Variants in KCNQ1OT1 observed in about 807,000 individuals in gnomAD.
The protein encoded by KCNQ1OT1 is KCNQ1 opposite strand/antisense transcript 1, also known as KCNQ1 antisense RNA 2 (non-protein coding).
chr11:2,671,890 A>C lies in KCNQ1OT1; in HGVS notation n.28105T>G, dbSNP rs1207090338. 2.5e-6 allele frequency: 1 copy of C among 398,586 alleles called. No individual in the cohort carries two copies. The highest frequency in any genetic ancestry group is 2.1e-5 in the African/African-American group (1 of 48,634). 24.7% of individuals were successfully genotyped at this position (398,586 alleles called of 1,614,324 possible). A position where few individuals can be genotyped will look rare whatever the true frequency, so the allele number is the denominator to read the frequency against. On this transcript the variant is annotated non_coding_transcript_exon_variant, in exon 1 of 1. Coordinates refer to ENST00000597346, the Ensembl canonical transcript of KCNQ1OT1. This position sits in a 1 kb window ranked among gnomAD's most constrained non-coding sequence, Gnocchi z 4.7. ...CCCTGGAGAGGAGGTGGGCAGCACC[A>C]GGCAGCCAGCCTGTGGGCCCCGCTA... is the stretch of plus-strand genomic sequence containing the variant.
In KCNQ1OT1 at chr11:2,673,618, C is replaced by T; in HGVS notation, n.26377G>A. The T allele has an allele frequency of 2.5e-6, 1 of 398,780 alleles. No homozygotes were observed. The highest frequency in any genetic ancestry group is 3.6e-5 in the East Asian group (1 of 28,082). 24.7% of individuals were successfully genotyped at this position (398,780 alleles called of 1,614,324 possible). A position where few individuals can be genotyped will look rare whatever the true frequency, so the allele number is the denominator to read the frequency against. ...AGAAGCTAAACGTGACCAGCCTACCCACCTTGCTACTGCTGATGACCACCC... is the reference window on the plus strand; with the variant it reads ...AGAAGCTAAACGTGACCAGCCTACCTACCTTGCTACTGCTGATGACCACCC... On this transcript the variant is annotated non_coding_transcript_exon_variant, in exon 1 of 1. Transcript: ENST00000597346. This position sits in a 1 kb window ranked among gnomAD's most constrained non-coding sequence, Gnocchi z 4.5.
Position 2,674,614 on chromosome 11 carries a change from C to G in KCNQ1OT1, n.25381G>C, listed in dbSNP as rs929995876. Reference sequence around the variant, plus strand: ...CTTTTAAATAGGCTCTGGCTTAAAACAGTCACAGCGAAACATGCCTTTGAA... The same window carrying G: ...CTTTTAAATAGGCTCTGGCTTAAAAGAGTCACAGCGAAACATGCCTTTGAA... On this transcript the variant is annotated non_coding_transcript_exon_variant, in exon 1 of 1. Coordinates refer to ENST00000597346, the Ensembl canonical transcript of KCNQ1OT1. This position sits in a 1 kb window ranked among gnomAD's most constrained non-coding sequence, Gnocchi z 5.9. 2 of 398,500 alleles carry G rather than the reference C, an allele frequency of 5.0e-6. No homozygotes were observed. The highest frequency in any genetic ancestry group is 8.8e-6 in the Non-Finnish European group (2 of 226,078). The allele number at this position is 398,500 out of a possible 1,614,324, so 24.7% of individuals were successfully genotyped here.
rs529705264 is a variant in KCNQ1OT1 at position 2,611,280 on chromosome 11, C to T, written n.88715G>A. 2.0e-5 allele frequency: 8 copies of T among 397,170 alleles called. No individual in the cohort carries two copies. Among genetic ancestry groups the T allele is most frequent in the East Asian group, 3.6e-5 (1 of 28,060 alleles). 24.6% of individuals were successfully genotyped at this position (397,170 alleles called of 1,614,324 possible). On this transcript the variant is annotated non_coding_transcript_exon_variant, in exon 1 of 1. Coordinates refer to ENST00000597346, the Ensembl canonical transcript of KCNQ1OT1. The surrounding 1 kb of genome is among the most constrained non-coding windows in gnomAD (Gnocchi z 5.3). The stretch of plus-strand genomic sequence containing the variant: ...TGTTGCCCAGGCTGGAGTGCAGTGG[C>T]GTGACCTTGGCTCACTGCAACCTCT...
rs1394618769 is a variant in KCNQ1OT1, at chr11:2,652,725, C to T, written n.47270G>A. The T allele has an allele frequency of 1.8e-5, 7 of 398,794 alleles. No homozygotes were observed. The highest frequency in any genetic ancestry group is 2.1e-5 in the African/African-American group (1 of 48,636). 24.7% of individuals were successfully genotyped at this position (398,794 alleles called of 1,614,324 possible). A position where few individuals can be genotyped will look rare whatever the true frequency, so the allele number is the denominator to read the frequency against. ...TCTTTCCGTTTCCTGGGCTCACTCA[C>T]GCTCAGGGTTGACCCTGTCCTGGCT... On this transcript the variant is annotated non_coding_transcript_exon_variant, in exon 1 of 1. Coordinates refer to ENST00000597346, the Ensembl canonical transcript of KCNQ1OT1. This position sits in a 1 kb window ranked among gnomAD's most constrained non-coding sequence, Gnocchi z 5.9.
chr11:2,641,412 C>T (rs1212298963), exon 1 of KCNQ1OT1: 1 of 397,946 alleles, frequency 2.5e-6, no homozygotes, highest in Non-Finnish European at 4.4e-6. Context: ...TTTAAATATA[C>T]CTGTTGGCTA....
rs1026629360 is a variant in KCNQ1OT1, at chr11:2,654,465, C to T, written n.45530G>A. On this transcript the variant is annotated non_coding_transcript_exon_variant, in exon 1 of 1. Coordinates refer to ENST00000597346, the Ensembl canonical transcript of KCNQ1OT1. This position sits in a 1 kb window ranked among gnomAD's most constrained non-coding sequence, Gnocchi z 6.4. ...GTTCCCGTGCTGAGCGCCAGGCACA[C>T]ATAAGCCCTGCAGCCGTACAGGGGA... is the stretch of plus-strand genomic sequence containing the variant. 1 of 398,694 alleles carries T rather than the reference C, an allele frequency of 2.5e-6. No individual in the cohort carries two copies. The highest frequency in any genetic ancestry group is 4.4e-6 in the Non-Finnish European group (1 of 226,190). The allele number at this position is 398,694 out of a possible 1,614,324, so 24.7% of individuals were successfully genotyped here.
exon 1 of KCNQ1OT1, chr11:2,699,986 G>T (rs563140602): frequency 1.0e-5 from 4 of 398,290 alleles, no homozygotes; most frequent in Non-Finnish European, 1.8e-5. Flanking sequence ...GCGACGCGGC[G>T]ACCGTTCTGC....
rs1849808420 is a variant in KCNQ1OT1 at position 2,654,561 on chromosome 11, A to G, written n.45434T>C. 1.0e-5 allele frequency: 4 copies of G among 398,466 alleles called. No individual in the cohort carries two copies. The East Asian group carries it at 1.1e-4, about 11-fold the overall frequency. The allele number at this position is 398,466 out of a possible 1,614,324, so 24.7% of individuals were successfully genotyped here. On this transcript the variant is annotated non_coding_transcript_exon_variant, in exon 1 of 1. Transcript: ENST00000597346. The surrounding 1 kb of genome is among the most constrained non-coding windows in gnomAD (Gnocchi z 6.4). ...GGTTACACCTGGGAGATTAGGCCGGATTTTAATCAATCAGGAGGGGAAGGG... is the reference window on the plus strand; with the variant it reads ...GGTTACACCTGGGAGATTAGGCCGGGTTTTAATCAATCAGGAGGGGAAGGG...
Position 2,668,244 on chromosome 11 carries a change from T to C in KCNQ1OT1, n.31751A>G. The C allele has an allele frequency of 2.5e-6, 1 of 398,674 alleles. No homozygotes were observed. The highest frequency in any genetic ancestry group is 4.4e-6 in the Non-Finnish European group (1 of 226,090). 24.7% of individuals were successfully genotyped at this position (398,674 alleles called of 1,614,324 possible). The stretch of plus-strand genomic sequence containing the variant: ...CCACCTGTGGCCAGCAGGCAGTTTC[T>C]GGTGTAGGTTGCTGTTTAAGAATAT... On this transcript the variant is annotated non_coding_transcript_exon_variant, in exon 1 of 1. Coordinates refer to ENST00000597346, the Ensembl canonical transcript of KCNQ1OT1. The surrounding 1 kb of genome is among the most constrained non-coding windows in gnomAD (Gnocchi z 4.3).
At chr11:2,618,209 C>A in exon 1 of KCNQ1OT1, 1 of 398,428 alleles carries the variant, frequency 2.5e-6, no homozygotes, top group Admixed American at 4.4e-5. Flanking sequence ...TGGTGTAAGG[C>A]AGCGATATCA....
exon 1 of KCNQ1OT1, chr11:2,646,756 T>G (rs539604287): frequency 1.6e-4 from 65 of 398,578 alleles, no homozygotes; most frequent in African/African-American, 1.3e-3. Flanking sequence ...GCTCAAGCAA[T>G]CCACCCGCCT....
chr11:2,618,152 G>T, exon 1 of KCNQ1OT1: 1 of 398,286 alleles, frequency 2.5e-6, no homozygotes, highest in South Asian at 1.3e-4. Flanking sequence ...TGTGGGTTTT[G>T]GTCTTATGTT....
At chr11:2,618,266 G>A (rs1250433692) in exon 1 of KCNQ1OT1, 7 of 398,240 alleles carry the variant, frequency 1.8e-5, no homozygotes, top group Non-Finnish European at 3.1e-5. Flanking sequence ...ATTGTCTTAG[G>A]CCACACATAA....
rs1471628241 is a variant in KCNQ1OT1 at position 2,678,192 on chromosome 11, T to A, written n.21803A>T. On this transcript the variant is annotated non_coding_transcript_exon_variant, in exon 1 of 1. Coordinates refer to ENST00000597346, the Ensembl canonical transcript of KCNQ1OT1. This position sits in a 1 kb window ranked among gnomAD's most constrained non-coding sequence, Gnocchi z 4.9. ...TATTTTTCTGGTGGCAGAATTTTTTTAATTTCACATAGTCAGCTGTGTCAG... is the reference window on the plus strand; with the variant it reads ...TATTTTTCTGGTGGCAGAATTTTTTAAATTTCACATAGTCAGCTGTGTCAG... The A allele has an allele frequency of 3.0e-5, 12 of 398,292 alleles. No homozygotes were observed. In the East Asian group the frequency reaches 3.6e-4, roughly 12 times the overall value. The allele number at this position is 398,292 out of a possible 1,614,324, so 24.7% of individuals were successfully genotyped here.
At position 2,621,384 on chromosome 11, in the gene KCNQ1OT1, A is replaced by T. The variant is rs538476426; in HGVS notation, n.78611T>A. On this transcript the variant is annotated non_coding_transcript_exon_variant, in exon 1 of 1. Coordinates refer to ENST00000597346, the Ensembl canonical transcript of KCNQ1OT1. The surrounding 1 kb of genome is among the most constrained non-coding windows in gnomAD (Gnocchi z 5.7). The stretch of plus-strand genomic sequence containing the variant: ...TATGTTCCTGTCCTTTGCCAATTCA[A>T]TTGGATTATTCGTTTTTTGCTTGTT... 1 of 398,378 alleles carries T rather than the reference A, an allele frequency of 2.5e-6. No individual in the cohort carries two copies. Among genetic ancestry groups the T allele is most frequent in the African/African-American group, 2.1e-5 (1 of 48,578 alleles). 24.7% of individuals were successfully genotyped at this position (398,378 alleles called of 1,614,324 possible).
In KCNQ1OT1 at chr11:2,642,240, C is replaced by G; in HGVS notation, n.57755G>C. ...GTCATTTTAATTTTGTTAATTCTCC[C>G]AATCCATGAGAATGGGATGTTTTTT... On this transcript the variant is annotated non_coding_transcript_exon_variant, in exon 1 of 1. Transcript: ENST00000597346. This position sits in a 1 kb window ranked among gnomAD's most constrained non-coding sequence, Gnocchi z 4.3. The G allele has an allele frequency of 1.0e-5, 4 of 398,358 alleles. No individual in the cohort carries two copies. The highest frequency in any genetic ancestry group is 1.8e-5 in the Non-Finnish European group (4 of 225,938). 24.7% of individuals were successfully genotyped at this position (398,358 alleles called of 1,614,324 possible).
chr11:2,674,832 TAAAAAAAAA>T lies in KCNQ1OT1; in HGVS notation n.25154_25162del, dbSNP rs34219164. On this transcript the variant is annotated non_coding_transcript_exon_variant, in exon 1 of 1. Coordinates refer to ENST00000597346, the Ensembl canonical transcript of KCNQ1OT1. This position sits in a 1 kb window ranked among gnomAD's most constrained non-coding sequence, Gnocchi z 5.9. ...GCTTGTCACCCTAATAGCTGTTTTT[TAAAAAAAAA>T]AAAAAAAAAAAAAAAAAAAGCTCAC... The T allele has an allele frequency of 2.3e-5, 7 of 303,866 alleles. No homozygotes were observed. The highest frequency in any genetic ancestry group is 1.8e-4 in the African/African-American group (5 of 27,820). 18.8% of individuals were successfully genotyped at this position (303,866 alleles called of 1,614,324 possible).
rs1850191639 is a variant in KCNQ1OT1 at position 2,671,991 on chromosome 11, C to T, written n.28004G>A. The stretch of plus-strand genomic sequence containing the variant: ...AAAAGTCAGCTAGCACCCCTGACTT[C>T]AAGTCCTCGAGTGTATGTTGGGCTT... On this transcript the variant is annotated non_coding_transcript_exon_variant, in exon 1 of 1. Coordinates refer to ENST00000597346, the Ensembl canonical transcript of KCNQ1OT1. This position sits in a 1 kb window ranked among gnomAD's most constrained non-coding sequence, Gnocchi z 4.7. 2.5e-6 allele frequency: 1 copy of T among 398,522 alleles called. No homozygotes were observed. The highest frequency in any genetic ancestry group is 4.4e-6 in the Non-Finnish European group (1 of 226,102). 24.7% of individuals were successfully genotyped at this position (398,522 alleles called of 1,614,324 possible). A position where few individuals can be genotyped will look rare whatever the true frequency, so the allele number is the denominator to read the frequency against.
At position 2,658,541 on chromosome 11, in the gene KCNQ1OT1, C is replaced by T. The variant is rs1241436668; in HGVS notation, n.41454G>A. The T allele has an allele frequency of 1.0e-5, 4 of 395,532 alleles. No individual in the cohort carries two copies. Among genetic ancestry groups the T allele is most frequent in the Non-Finnish European group, 1.8e-5 (4 of 225,516 alleles). The allele number at this position is 395,532 out of a possible 1,614,324, so 24.5% of individuals were successfully genotyped here. A position where few individuals can be genotyped will look rare whatever the true frequency, so the allele number is the denominator to read the frequency against. The stretch of plus-strand genomic sequence containing the variant: ...TACTTCAGGCTCATCTTTTATTTTC[C>T]CTACCCTAGCCCTAGAATCATCCAT... On this transcript the variant is annotated non_coding_transcript_exon_variant, in exon 1 of 1. Coordinates refer to ENST00000597346, the Ensembl canonical transcript of KCNQ1OT1. The surrounding 1 kb of genome is among the most constrained non-coding windows in gnomAD (Gnocchi z 4.9).
Sources: allele counts gnomAD v4.1 joint callset, GRCh38; gene constraint gnomAD v4.1.1; non-coding constraint Gnocchi (gnomAD v3.1); transcripts MANE v1.5; gene names NCBI Gene and HGNC (gene_info 2026-07-23, HGNC 2026-07-21).